The following SNAPC3 variants were observed in gnomAD, a reference collection of about 807,000 sequenced individuals.
SNAPC3 encodes the protein snRNA-activating protein complex subunit 3.
SNAPC3 carries 56 observed loss-of-function variants against 47.7 expected under a neutral mutation model. The observed-to-expected ratio is 1.18, with a 90% CI of 0.95 to 1.47. The LOEUF (loss-of-function observed/expected upper bound fraction) is 1.47. Among genes scored for constraint, SNAPC3 ranks in the 40% most tolerant of loss-of-function variants. The pLI, the probability that SNAPC3 is intolerant of heterozygous loss-of-function variation, is 0.00. For synonymous variants in SNAPC3, 235 were observed against 189.9 expected, an observed-to-expected ratio of 1.24 and a Z score of -1.95; for missense variants, 665 against 511.3, an observed-to-expected ratio of 1.30 and a Z score of -2.90.
chr9:15,460,834 A>G lies in SNAPC3; in HGVS notation c.*968A>G, dbSNP rs991518570. 2.6e-5 allele frequency: 4 copies of G among 152,250 alleles called. No homozygotes were observed. Among genetic ancestry groups the G allele is most frequent in the African/African-American group, 9.6e-5 (4 of 41,476 alleles). 9.4% of individuals were successfully genotyped at this position (152,250 alleles called of 1,614,324 possible). On this transcript the variant is annotated 3_prime_UTR_variant, in exon 9 of 9. Coordinates refer to ENST00000380821, the MANE Select transcript of SNAPC3 (RefSeq NM_001039697.2). ...TGAGTATATACTCATAACTCCAGAA[A>G]TAACATTAACTTGAAGCTTTATTTC...
chr9:15,425,051 A>G (rs1422837853), intron 2 of SNAPC3, among the ~76,000 whole-genome samples: 1 of 152,146 alleles, frequency 6.6e-6, no homozygotes, highest in Non-Finnish European at 1.5e-5. Flanking sequence ...ATGGCCCTAC[A>G]TCTCCTATAT....
intron 3 of SNAPC3, among the ~76,000 whole-genome samples, chr9:15,441,283 A>T (rs976214512): frequency 1.3e-5 from 2 of 148,492 alleles, no homozygotes; most frequent in African/African-American, 2.5e-5. Flanking sequence ...TGAATCATGT[A>T]GTAGTTCTAC....
chr9:15,440,887 T>C (rs1563845654), intron 3 of SNAPC3, among the ~76,000 whole-genome samples: 1 of 148,534 alleles, frequency 6.7e-6, no homozygotes. Flanking sequence ...AGGCGGAGCT[T>C]GCAGTGAGCC....
At chr9:15,428,111 CAAAAAAAAAA>C (rs34074367) in intron 2 of SNAPC3, among the ~76,000 whole-genome samples, 2 of 73,016 alleles carry the variant, frequency 2.7e-5, no homozygotes, top group African/African-American at 1.1e-4. Context: ...ACTCTGTCTC[CAAAAAAAAAA>C]AAAAAAAAAA....
chr9:15,452,115 A>G (rs1202489058), intron 6 of SNAPC3, among the ~76,000 whole-genome samples: 1 of 152,036 alleles, frequency 6.6e-6, no homozygotes, highest in African/African-American at 2.4e-5. Flanking sequence ...GGTGTGTGCC[A>G]TCATGCCCAG....
intron 6 of SNAPC3, among the ~76,000 whole-genome samples, chr9:15,452,322 A>ATTTT (rs35695129): frequency 1.4e-5 from 2 of 140,514 alleles, no homozygotes; most frequent in Non-Finnish European, 1.5e-5. Flanking sequence ...TGGTTTCAGC[A>ATTTT]TTTTTTTTTT....
chr9:15,447,021 A>G, intron 4 of SNAPC3, 74 bp from the exon 5 acceptor site: 1 of 1,246,020 alleles, frequency 8.0e-7, no homozygotes, highest in Non-Finnish European at 1.2e-6. Flanking sequence ...TTTAATTTTG[A>G]TCTAGTCATG....
At chr9:15,438,284 T>C (rs367640688) in intron 3 of SNAPC3, among the ~76,000 whole-genome samples, 1 of 152,148 alleles carries the variant, frequency 6.6e-6, no homozygotes, top group South Asian at 2.1e-4. Context: ...TTCATAGTTT[T>C]CTCTTCTAAT....
intron 6 of SNAPC3, among the ~76,000 whole-genome samples, chr9:15,451,798 TC>T (rs1398031107): frequency 6.6e-6 from 1 of 152,202 alleles, no homozygotes; most frequent in Non-Finnish European, 1.5e-5. Flanking sequence ...CACTATTTTT[TC>T]TGCCTATCCA....
At chr9:15,435,655 G>C (rs1303005437) in intron 3 of SNAPC3, among the ~76,000 whole-genome samples, 1 of 151,472 alleles carries the variant, frequency 6.6e-6, no homozygotes, top group Non-Finnish European at 1.5e-5. Flanking sequence ...CTAGAACCCA[G>C]GAGGTGGAGG....
At chr9:15,456,382 A>G (rs1348552276) in intron 7 of SNAPC3, among the ~76,000 whole-genome samples, 2 of 152,226 alleles carry the variant, frequency 1.3e-5, no homozygotes, top group Admixed American at 6.5e-5. Flanking sequence ...GGATAAAAAC[A>G]TGACCATTAA....
At chr9:15,426,816 A>G (rs1337683120) in intron 2 of SNAPC3, among the ~76,000 whole-genome samples, 1 of 152,206 alleles carries the variant, frequency 6.6e-6, no homozygotes, top group Non-Finnish European at 1.5e-5. Context: ...AGAATTATAT[A>G]TAATCTAATG....
chr9:15,425,855 C>G (rs572700335), intron 2 of SNAPC3, among the ~76,000 whole-genome samples: 1 of 151,994 alleles, frequency 6.6e-6, no homozygotes, highest in Non-Finnish European at 1.5e-5. Flanking sequence ...GTGGACCTTG[C>G]TGTTTTCATT....
chr9:15,459,934 T>C lies in SNAPC3; in HGVS notation c.*68T>C. The C allele has an allele frequency of 7.1e-7, 1 of 1,417,586 alleles. No homozygotes were observed. Among genetic ancestry groups the C allele is most frequent in the African/African-American group, 1.4e-5 (1 of 70,182 alleles). 87.8% of individuals were successfully genotyped at this position (1,417,586 alleles called of 1,614,324 possible). A position where few individuals can be genotyped will look rare whatever the true frequency, so the allele number is the denominator to read the frequency against. ...TTCTCTTGGATGGTTACCTTATTTC[T>C]AAGAAACGCCACTGAGGAACAGGAT... On this transcript the variant is annotated 3_prime_UTR_variant, in exon 9 of 9. Transcript: ENST00000380821.
chr9:15,427,335 C>G (rs1428498511), intron 2 of SNAPC3, among the ~76,000 whole-genome samples: 1 of 152,100 alleles, frequency 6.6e-6, no homozygotes, highest in Non-Finnish European at 1.5e-5. Context: ...AGCAACATCA[C>G]TTATTTATTT....
At position 15,460,333 on chromosome 9, in the gene SNAPC3, C is replaced by T. The variant is rs2035111567; in HGVS notation, c.*467C>T. On this transcript the variant is annotated 3_prime_UTR_variant, in exon 9 of 9. Transcript: ENST00000380821. ...TCCAAGGTAAAGATCCTTCAAATAACTGTAATGGAAACTAGGGAGAATGAA... is the reference window on the plus strand; with the variant it reads ...TCCAAGGTAAAGATCCTTCAAATAATTGTAATGGAAACTAGGGAGAATGAA... The T allele has an allele frequency of 6.6e-6, 1 of 152,336 alleles. No homozygotes were observed. The allele number at this position is 152,336 out of a possible 1,614,324, so 9.4% of individuals were successfully genotyped here.
chr9:15,429,311 T>A (rs1168929041), intron 2 of SNAPC3, among the ~76,000 whole-genome samples: 7 of 152,216 alleles, frequency 4.6e-5, no homozygotes, highest in African/African-American at 1.7e-4. Context: ...CTGGGTAATT[T>A]CTGTACCTGC....
intron 3 of SNAPC3, among the ~76,000 whole-genome samples, chr9:15,435,844 C>CTTT (rs57744583): frequency 0.68 from 83,493 of 123,630 alleles, 30,458 homozygotes; most frequent in Non-Finnish European, 0.8. Flanking sequence ...ACTTTTCTTT[C>CTTT]TTTTTTTTTT....
downstream of SNAPC3, chr9:15,463,442 A>T (rs1245088241): frequency 2.9e-5 from 4 of 137,676 alleles, no homozygotes; most frequent in Non-Finnish European, 6.1e-5. Flanking sequence ...ATACACACAC[A>T]TACCAGCCCA....
Sources: gnomAD v4.1 joint callset for allele counts (sites outside exome capture counted in the v4.1 genomes callset) on GRCh38, gnomAD v4.1.1 for gene constraint, MANE v1.5 for transcripts, NCBI Gene and HGNC (gene_info 2026-07-23, HGNC 2026-07-21) for gene names.